The following USHBP1 variants were observed in gnomAD, a reference collection of about 807,000 sequenced individuals.
USHBP1 encodes the protein USH1 protein network component harmonin binding protein 1.
Under a neutral mutation model 76.2 loss-of-function variants are expected in USHBP1, and 67 were observed. The ratio of observed to expected loss-of-function variants is 0.88; its 90% CI spans 0.72 to 1.08. The LOEUF (loss-of-function observed/expected upper bound fraction) is 1.08. Ranked by LOEUF, USHBP1 falls within the 50% of genes least tolerant of loss-of-function variation. The pLI is 0.00. For missense variants in USHBP1, 931 were observed against 915.0 expected, an observed-to-expected ratio of 1.02 and a Z score of -0.23; for synonymous variants, 322 against 362.2, an observed-to-expected ratio of 0.89 and a Z score of 1.26.
rs573311006 is a variant in USHBP1, at chr19:17,260,423, G to A, written c.643-401C>T. On this transcript the variant is annotated intron_variant, in intron 4 of 12. Transcript: ENST00000252597. ...CAGCTCACTGCAACCTCTGCCTCCC[G>A]GATTCAAGTGATTCTCCTGCTTCAG... 3.9e-3 allele frequency among the ~76,000 whole-genome samples: 599 copies of A among 152,216 alleles called. 2 individuals carry two copies. Among genetic ancestry groups the A allele is most frequent in the African/African-American group, 0.014 (575 of 41,532 alleles).
chr19:17,262,605 T>A lies in USHBP1; in HGVS notation c.589A>T (p.Thr197Ser). 6.2e-7 allele frequency: 1 copy of A among 1,613,718 alleles called. No homozygotes were observed. The highest frequency in any genetic ancestry group is 8.5e-7 in the Non-Finnish European group (1 of 1,179,968). ...CGGATGGCCTCCAGGGAGGCCTGCG[T>A]GCGGACCAGCTCATCCTCTCGGCTA... ...LSSREDELVR[T>S]QASLEAIRAE... The change falls in exon 4 of 13, where the codon ACG (threonine) becomes TCG (serine). Residue 197 changes from threonine (T) to serine (S), a missense_variant. Transcript: ENST00000252597.
rs1408303027 is a variant in USHBP1, at chr19:17,262,573, C to G, written c.621G>C (p.Glu207Asp). ...TCACCTCTTTCTGCAGCGTCTCCTT[C>G]TCAGCTCGGATGGCCTCCAGGGAGG... Reference protein sequence around the residue: ...TQASLEAIRAEKETLQKEVQE... With the variant: ...TQASLEAIRADKETLQKEVQE... Residue 207 changes from glutamate to aspartate, a missense_variant, in exon 4 of 13, where the codon GAG (glutamate) becomes GAC (aspartate). Glu to Asp is a conservative substitution (Grantham distance 45). Coordinates refer to ENST00000252597, the MANE Select transcript of USHBP1 (RefSeq NM_031941.4). 3.7e-6 allele frequency: 6 copies of G among 1,608,784 alleles called. No homozygotes were observed. Among genetic ancestry groups the G allele is most frequent in the Non-Finnish European group, 5.1e-6 (6 of 1,176,580 alleles).
intron 4 of USHBP1, among the ~76,000 whole-genome samples, 182 bp downstream of exon 4, chr19:17,262,370 A>G (rs909599494): frequency 2.7e-5 from 4 of 150,192 alleles, no homozygotes; most frequent in African/African-American, 9.8e-5. Flanking sequence ...CTGGTCTTGA[A>G]CTCCTGGCCT....
At chr19:17,258,842 T>C in intron 7 of USHBP1, 1 of 235,180 alleles carries the variant, frequency 4.3e-6, no homozygotes, top group Non-Finnish European at 8.5e-6. Flanking sequence ...GCATGCAGAC[T>C]CCCTTAGCAA....
intron 10 of USHBP1, among the ~76,000 whole-genome samples, chr19:17,253,619 G>T (rs534506345): frequency 1.3e-5 from 2 of 149,644 alleles, no homozygotes; most frequent in African/African-American, 4.9e-5. Context: ...TAGGCTGGAC[G>T]TGGTGGCTCA....
In USHBP1 at chr19:17,263,161, C is replaced by T. The variant is rs1165937999; in HGVS notation, c.204-171G>A. ...CAAGTGATTCTCCTGCCTCGGTCCC[C>T]CAAGTAGCTGGGATTACAGGCTCCC... On this transcript the variant is annotated intron_variant, in intron 3 of 12. Coordinates refer to ENST00000252597, the MANE Select transcript of USHBP1 (RefSeq NM_031941.4). The T allele has an allele frequency of 4.2e-4, 244 of 577,518 alleles. 1 individual carries two copies. Among genetic ancestry groups the T allele is most frequent in the Non-Finnish European group, 3.5e-5 (13 of 372,654 alleles). The allele number at this position is 577,518 out of a possible 1,614,324, so 35.8% of individuals were successfully genotyped here.
chr19:17,261,719 C>A (rs1325476081), intron 4 of USHBP1, among the ~76,000 whole-genome samples: 2 of 150,914 alleles, frequency 1.3e-5, no homozygotes, highest in Non-Finnish European at 2.9e-5. Flanking sequence ...CTCACTGCAA[C>A]CTCCACCTCC....
rs2073626367 is a variant in USHBP1, at chr19:17,256,853, CCT to C, written c.1221-135_1221-134del. On this transcript the variant is annotated intron_variant, in intron 8 of 12. Transcript: ENST00000252597. ...GGAATCTATGCCATCTTTGGTGGTC[CCT>C]GTCACACCAACATACCCCACTAGGC... 2.2e-6 allele frequency: 3 copies of C among 1,336,194 alleles called. No individual in the cohort carries two copies. The East Asian group carries it at 7.2e-5, about 32-fold the overall frequency. 82.8% of individuals were successfully genotyped at this position (1,336,194 alleles called of 1,614,324 possible).
At chr19:17,251,245 C>G (rs1488249472) in intron 12 of USHBP1, among the ~76,000 whole-genome samples, 1 of 151,004 alleles carries the variant, frequency 6.6e-6, no homozygotes, top group Non-Finnish European at 1.5e-5. Context: ...TCTCTGCTCA[C>G]CACAACCTCC....
intron 4 of USHBP1, among the ~76,000 whole-genome samples, chr19:17,261,315 C>CTTTT (rs2073684639): frequency 7.3e-6 from 1 of 136,630 alleles, no homozygotes; most frequent in Non-Finnish European, 1.6e-5. Context: ...AGTTTTCTTT[C>CTTTT]TTTTTCTTTC....
intron 7 of USHBP1, chr19:17,258,618 A>T (rs1438330009): frequency 1.6e-5 from 7 of 437,564 alleles, no homozygotes; most frequent in Non-Finnish European, 8.3e-6. Flanking sequence ...CTGAGGCAGG[A>T]GAATCACTTG....
chr19:17,257,182 G>A (rs1175110891), intron 8 of USHBP1, among the ~76,000 whole-genome samples: 10 of 146,058 alleles, frequency 6.8e-5, no homozygotes, highest in Non-Finnish European at 1.1e-4. Context: ...CACCACGCCC[G>A]GCTAATTTTT....
Sources: allele counts gnomAD v4.1 joint callset (sites outside exome capture counted in the v4.1 genomes callset), GRCh38; gene constraint gnomAD v4.1.1; transcripts MANE v1.5; gene names NCBI Gene and HGNC (gene_info 2026-07-23, HGNC 2026-07-21).